The following PPFIBP2 variants were observed in gnomAD, a reference collection of about 807,000 sequenced individuals.
The protein encoded by PPFIBP2 is liprin-beta-2.
PPFIBP2 carries 118 observed loss-of-function variants against 118.3 expected under a neutral mutation model. The observed-to-expected ratio is 1.00, with a 90% CI of 0.86 to 1.16. PPFIBP2 has a LOEUF of 1.16. Ranked by LOEUF, PPFIBP2 falls within the 50% of genes most tolerant of loss-of-function variation. The pLI, the probability that PPFIBP2 is intolerant of heterozygous loss-of-function variation, is 0.00. For missense variants in PPFIBP2, 1,195 were observed against 1,073.1 expected, an observed-to-expected ratio of 1.11 and a Z score of -1.59; for synonymous variants, 414 against 397.4, an observed-to-expected ratio of 1.04 and a Z score of -0.50.
intron 3 of PPFIBP2, among the ~76,000 whole-genome samples, chr11:7,568,213 A>G (rs1855232963): frequency 6.6e-6 from 1 of 152,200 alleles, no homozygotes; most frequent in Non-Finnish European, 1.5e-5. Context: ...GTAAACAATA[A>G]CAAGATAGAC....
chr11:7,534,955 A>G (rs570609877), intron 1 of PPFIBP2, among the ~76,000 whole-genome samples: 7 of 152,356 alleles, frequency 4.6e-5, no homozygotes, highest in African/African-American at 1.7e-4. Context: ...TTGCAGGTGC[A>G]TCACTACAGG....
chr11:7,593,708 G>C (rs533790769), intron 4 of PPFIBP2, among the ~76,000 whole-genome samples: 1 of 152,304 alleles, frequency 6.6e-6, no homozygotes, highest in Non-Finnish European at 1.5e-5. Context: ...CCTGGAGCTG[G>C]TAACAGGGGC....
the PPFIBP2 span, among the ~76,000 whole-genome samples, chr11:7,663,856 C>T: frequency 9.1e-3 from 1,385 of 152,286 alleles, 23 homozygotes; most frequent in African/African-American, 0.032. Context: ...CATGGTGCGC[C>T]GTTTTTTAAG....
chr11:7,649,226 C>G lies in PPFIBP2; in HGVS notation c.1989C>G (p.Tyr663Ter). 1 of 1,613,080 alleles carries G rather than the reference C, an allele frequency of 6.2e-7. No homozygotes were observed. Among genetic ancestry groups the G allele is most frequent in the Non-Finnish European group, 8.5e-7 (1 of 1,179,026 alleles). ...ESRVDRRMLQ[Y>*]LTVNDLLFLK... is the part of the protein sequence containing the mutation. Reference sequence around the variant, plus strand: ...GAGTTGACAGACGAATGCTGCAATACCTAACTGTGGTGAGGACTTTTTCTT... The same window carrying G: ...GAGTTGACAGACGAATGCTGCAATAGCTAACTGTGGTGAGGACTTTTTCTT... The change falls in exon 20 of 24, where the codon TAC becomes TAG. Residue 663 changes from tyrosine to a stop codon, truncating the protein, a stop_gained. Transcript: ENST00000299492. LOFTEE classifies it high-confidence loss of function.
chr11:7,599,248 T>C (rs1860965087), intron 5 of PPFIBP2, among the ~76,000 whole-genome samples: 1 of 151,554 alleles, frequency 6.6e-6, no homozygotes. Flanking sequence ...CAAGGTGTGT[T>C]TTTGAGGTGA....
intron 1 of PPFIBP2, among the ~76,000 whole-genome samples, chr11:7,547,837 G>A (rs1303154810): frequency 3.3e-5 from 5 of 152,102 alleles, no homozygotes; most frequent in African/African-American, 1.2e-4. Flanking sequence ...CTTAGCACCT[G>A]TAAATCCCTG....
At chr11:7,555,441 G>T (rs148737595) in intron 2 of PPFIBP2, among the ~76,000 whole-genome samples, 4 of 152,242 alleles carry the variant, frequency 2.6e-5, no homozygotes, top group Admixed American at 2.6e-4. Context: ...GATTGTTCAC[G>T]TTGGCTTGTG....
At chr11:7,648,771 C>T in intron 18 of PPFIBP2, 29 bp from the exon 19 acceptor site, 1 of 1,604,544 alleles carries the variant, frequency 6.2e-7, no homozygotes, top group Non-Finnish European at 8.5e-7. Context: ...GCCAAAATTT[C>T]ACATGTGGTC....
At chr11:7,517,538 G>C (rs113688410) in intron 1 of PPFIBP2, among the ~76,000 whole-genome samples, 1 of 145,694 alleles carries the variant, frequency 6.9e-6, no homozygotes, top group African/African-American at 2.6e-5. Context: ...AGTTTTGAAA[G>C]GATGTCCCTG....
chr11:7,655,587 T>G, downstream of PPFIBP2: 1 of 1,074,242 alleles, frequency 9.3e-7, no homozygotes, highest in Non-Finnish European at 1.3e-6. Context: ...GCACAAGGCC[T>G]GGGGGACGGC....
At chr11:7,597,290 T>G (rs1482276885) in intron 4 of PPFIBP2, 1 of 1,535,466 alleles carries the variant, frequency 6.5e-7, no homozygotes, top group African/African-American at 1.4e-5. Context: ...CTCCTGTGGC[T>G]GTTGGGTGTT....
In PPFIBP2 at chr11:7,653,634, C is replaced by T; in HGVS notation, c.*416C>T. 7.7e-7 allele frequency: 1 copy of T among 1,294,406 alleles called. No individual in the cohort carries two copies. 80.2% of individuals were successfully genotyped at this position (1,294,406 alleles called of 1,614,324 possible). On this transcript the variant is annotated 3_prime_UTR_variant, in exon 24 of 24. Transcript: ENST00000299492. ...GTGCCTTAGGCCCGTGGACCACAGTCTTGGCTGAGATCAAAGGGATGAGCA... is the reference window on the plus strand; with the variant it reads ...GTGCCTTAGGCCCGTGGACCACAGTTTTGGCTGAGATCAAAGGGATGAGCA...
intron 1 of PPFIBP2, among the ~76,000 whole-genome samples, chr11:7,538,881 C>T (rs779579015): frequency 6.6e-6 from 1 of 152,100 alleles, no homozygotes; most frequent in Non-Finnish European, 1.5e-5. Context: ...CCCCACTGGC[C>T]TGAGCTTAAC....
chr11:7,571,927 GC>G (rs1855696203), intron 3 of PPFIBP2: 1 of 152,182 alleles, frequency 6.6e-6, no homozygotes, highest in South Asian at 2.1e-4. Flanking sequence ...TGAGAAAACA[GC>G]TTTTAATTTT....
At chr11:7,651,878 G>C in intron 23 of PPFIBP2, 34 bp downstream of exon 23, 1 of 1,578,094 alleles carries the variant, frequency 6.3e-7, no homozygotes, top group South Asian at 1.1e-5. Context: ...TGGGCCCTGG[G>C]CTGCCTCCTG....
intron 5 of PPFIBP2, among the ~76,000 whole-genome samples, chr11:7,601,428 G>C (rs748685322): frequency 6.6e-6 from 1 of 152,160 alleles, no homozygotes; most frequent in Non-Finnish European, 1.5e-5. Context: ...TGCAGCCCAC[G>C]GCAGGATGTG....
intron 2 of PPFIBP2, among the ~76,000 whole-genome samples, chr11:7,554,677 G>A (rs1406791570): frequency 6.6e-6 from 1 of 152,132 alleles, no homozygotes; most frequent in Non-Finnish European, 1.5e-5. Context: ...GTGTGAGAGA[G>A]AGAAATTGGT....
At chr11:7,665,828 G>C in the PPFIBP2 span, 1 of 1,533,166 alleles carries the variant, frequency 6.5e-7, no homozygotes, top group East Asian at 2.4e-5. Context: ...GAGGTATACC[G>C]AGGTGTGTGA....
intron 1 of PPFIBP2, among the ~76,000 whole-genome samples, chr11:7,544,548 G>A (rs552247981): frequency 1.3e-5 from 2 of 152,168 alleles, no homozygotes; most frequent in African/African-American, 2.4e-5. Flanking sequence ...GCCAAGGTGG[G>A]TGGATCACGA....
Sources: allele counts gnomAD v4.1 joint callset (sites outside exome capture counted in the v4.1 genomes callset), GRCh38; gene constraint gnomAD v4.1.1; transcripts MANE v1.5; gene names NCBI Gene and HGNC (gene_info 2026-07-23, HGNC 2026-07-21).